Variants in ZGPAT observed in about 807,000 individuals in gnomAD.
ZGPAT encodes the protein zinc finger CCCH-type and G-patch domain containing, also known as zinc finger CCCH-type with G patch domain-containing protein.
A neutral mutation model predicts 47.9 loss-of-function variants in ZGPAT; 39 were observed. The observed-to-expected ratio is 0.81, with a 90% CI of 0.63 to 1.06. ZGPAT has a LOEUF of 1.06. Ranked by LOEUF, ZGPAT falls within the 50% of genes least tolerant of loss-of-function variation. The probability of loss-of-function intolerance (pLI) is 0.00; values close to 1 mark genes in which losing one functional copy is unlikely to be tolerated. For synonymous variants in ZGPAT, 348 were observed against 292.9 expected (o/e 1.19, Z -1.92); for missense variants, 717 against 681.4 (o/e 1.05, Z -0.58).
At chr20:63,720,407 G>A (rs572387626) in intron 2 of ZGPAT, among the ~76,000 whole-genome samples, 34 of 150,730 alleles carry the variant, frequency 2.3e-4, no homozygotes, top group Admixed American at 2.6e-4. Flanking sequence ...CTCCTGCCTC[G>A]GCCTCCCAAA....
chr20:63,713,527 G>A (rs972259495), intron 2 of ZGPAT, among the ~76,000 whole-genome samples: 8 of 151,168 alleles, frequency 5.3e-5, no homozygotes, highest in Non-Finnish European at 1.0e-4. Flanking sequence ...CACTGTGCCC[G>A]GCTGGAGTTG....
intron 2 of ZGPAT, among the ~76,000 whole-genome samples, chr20:63,727,669 C>CAAAAA (rs746126031): frequency 2.2e-5 from 1 of 45,892 alleles, no homozygotes; most frequent in African/African-American, 7.8e-5. Context: ...GACTCGGTCT[C>CAAAAA]AAAAAAAAAA....
At chr20:63,732,403 TGTGTGC>T (rs1322514461) in intron 2 of ZGPAT, among the ~76,000 whole-genome samples, 1 of 112,142 alleles carries the variant, frequency 8.9e-6, no homozygotes, top group Admixed American at 8.6e-5. Context: ...TGAGGGCCTG[TGTGTGC>T]GTGTGTGTGG....
chr20:63,708,268 G>T (rs1356269894), intron 1 of ZGPAT, 150 bp downstream of exon 1: 3 of 177,912 alleles, frequency 1.7e-5, no homozygotes, highest in Admixed American at 1.3e-4. Context: ...CCTGGAAGGC[G>T]GCGGGCGCGG....
At chr20:63,731,316 GCATA>G (rs2091898659) in intron 2 of ZGPAT, among the ~76,000 whole-genome samples, 1 of 144,518 alleles carries the variant, frequency 6.9e-6, no homozygotes, top group African/African-American at 2.6e-5. Flanking sequence ...GTGTGCATGT[GCATA>G]CATGTGTAAA....
chr20:63,713,815 G>T (rs985037459), intron 2 of ZGPAT, among the ~76,000 whole-genome samples: 2 of 150,532 alleles, frequency 1.3e-5, no homozygotes, highest in Admixed American at 6.6e-5. Flanking sequence ...AGGTTGCAGT[G>T]AGCTGAGATC....
chr20:63,714,035 A>G (rs1465512356), intron 2 of ZGPAT, among the ~76,000 whole-genome samples: 1 of 152,156 alleles, frequency 6.6e-6, no homozygotes, highest in East Asian at 1.9e-4. Flanking sequence ...ATGTGAATAG[A>G]GATAATTGTA....
chr20:63,733,690 A>G lies in ZGPAT; in HGVS notation c.822A>G (p.Thr274=), dbSNP rs751104448. The G allele has an allele frequency of 1.2e-6, 2 of 1,613,932 alleles. No homozygotes were observed. Among genetic ancestry groups the G allele is most frequent in the East Asian group, 2.2e-5 (1 of 44,882 alleles). The change falls in exon 4 of 7, where the codon ACA becomes ACG. Residue 274 remains threonine, a synonymous_variant. Coordinates refer to ENST00000355969, the MANE Select transcript of ZGPAT (RefSeq NM_181485.3). The part of the protein sequence containing the change: ...GILPPLRTEA[T]ESDSDSDGTG... The stretch of plus-strand genomic sequence containing the variant: ...TGCCCCCACTGCGCACAGAGGCCAC[A>G]GAGTCCGACTCAGACAGCGACGGTA...
At chr20:63,730,650 A>G (rs1381361535) in intron 2 of ZGPAT, among the ~76,000 whole-genome samples, 1 of 151,904 alleles carries the variant, frequency 6.6e-6, no homozygotes, top group Non-Finnish European at 1.5e-5. Context: ...ACACCCGGCT[A>G]ATTTTTGTAT....
chr20:63,720,388 C>T (rs2091775572), intron 2 of ZGPAT, among the ~76,000 whole-genome samples: 1 of 152,036 alleles, frequency 6.6e-6, no homozygotes, highest in African/African-American at 2.4e-5. Context: ...ATCTCGTGAC[C>T]TCATGATCCT....
chr20:63,710,346 G>A (rs1311088807), intron 2 of ZGPAT, among the ~76,000 whole-genome samples: 1 of 150,562 alleles, frequency 6.6e-6, no homozygotes, highest in Non-Finnish European at 1.5e-5. Flanking sequence ...TAGAGTCGGA[G>A]ATTCACCATC....
At position 63,708,636 on chromosome 20, in the gene ZGPAT, A is replaced by T; in HGVS notation, c.56A>T (p.Gln19Leu). 1 of 1,612,088 alleles carries T rather than the reference A, an allele frequency of 6.2e-7. No individual in the cohort carries two copies. Among genetic ancestry groups the T allele is most frequent in the Non-Finnish European group, 8.5e-7 (1 of 1,179,464 alleles). ...CAGACCTACCGTGCGCAGCTGCAGC[A>T]GGTGGAGCTGGCCTTGGGCGCCGGC... is the stretch of plus-strand genomic sequence containing the variant. ...ALQTYRAQLQ[Q>L]VELALGAGLD... Residue 19 changes from glutamine to leucine, a missense_variant, in exon 2 of 7, where the codon CAG (glutamine) becomes CTG (leucine). Gln to Leu is a moderately radical substitution (Grantham distance 113, BLOSUM62 -2). Coordinates refer to ENST00000355969, the MANE Select transcript of ZGPAT (RefSeq NM_181485.3).
chr20:63,709,878 T>C (rs187579421), intron 2 of ZGPAT, among the ~76,000 whole-genome samples: 1 of 151,996 alleles, frequency 6.6e-6, no homozygotes, highest in Non-Finnish European at 1.5e-5. Flanking sequence ...ATCTTTTTTT[T>C]GAGATGGAGT....
rs1425261794 is a variant in ZGPAT, at chr20:63,735,376, A to G, written c.1209A>G (p.Gln403=). 7.7e-6 allele frequency: 12 copies of G among 1,552,988 alleles called. No individual in the cohort carries two copies. The highest frequency in any genetic ancestry group is 1.0e-5 in the Non-Finnish European group (12 of 1,151,916). The part of the protein sequence containing the change: ...NVFDFLNEKL[Q]GQAPGALEAG... ...TTGACTTCCTCAATGAAAAGCTGCA[A>G]GGTCAGGCTCCTGGGGCCCTAGAAG... Residue 403 remains glutamine (Q), a synonymous_variant, in exon 6 of 7, where the codon CAA becomes CAG. Transcript: ENST00000355969.
chr20:63,730,018 GCGCACACACACACACA>G lies in ZGPAT; in HGVS notation c.585-3199_585-3184del, dbSNP rs2091881103. On this transcript the variant is annotated intron_variant, in intron 2 of 6. Coordinates refer to ENST00000355969, the MANE Select transcript of ZGPAT (RefSeq NM_181485.3). Reference sequence around the variant, plus strand: ...CTGGGCAAGAGAGCAAGACTCTACTGCGCACACACACACACACACACACACACACAAAATAATAGAA... The same window carrying G: ...CTGGGCAAGAGAGCAAGACTCTACTGCACACACACACACAAAATAATAGAA... The G allele has an allele frequency of 2.0e-5, 3 of 146,962 alleles. No homozygotes were observed. The Admixed American group carries it at 2.0e-4, about 10-fold the overall frequency. The allele number at this position is 146,962 out of a possible 1,614,324, so 9.1% of individuals were successfully genotyped here. A position where few individuals can be genotyped will look rare whatever the true frequency, so the allele number is the denominator to read the frequency against.
In ZGPAT at chr20:63,735,953, C is replaced by T; in HGVS notation, c.*34C>T. The T allele has an allele frequency of 6.3e-7, 1 of 1,589,614 alleles. No homozygotes were observed. Among genetic ancestry groups the T allele is most frequent in the Non-Finnish European group, 8.6e-7 (1 of 1,164,828 alleles). On this transcript the variant is annotated 3_prime_UTR_variant, in exon 7 of 7. Transcript: ENST00000355969. ...CAAGCACTATGGACGAAGCGTGGGA[C>T]CCCAGCACGGGCTGCCCTCAGGAAG...
rs1353073651 is a variant in ZGPAT, at chr20:63,735,216, G to A, written c.1049G>A (p.Arg350Gln). ...CCCATCCATGCTGTGGTGTTGCCTC[G>A]AGGGAAGTCGCTGGACCAGTGTGTG... ...VEPIHAVVLPRGKSLDQCVET... is the reference protein window; with the variant it reads ...VEPIHAVVLPQGKSLDQCVET... The change falls in exon 6 of 7, where the codon CGA becomes CAA. Residue 350 changes from arginine to glutamine, a missense_variant. Physicochemically the swap from Arg to Gln is conservative, Grantham distance 43. Coordinates refer to ENST00000355969, the MANE Select transcript of ZGPAT (RefSeq NM_181485.3). The A allele has an allele frequency of 3.2e-6, 5 of 1,567,564 alleles. No homozygotes were observed. Among genetic ancestry groups the A allele is most frequent in the Middle Eastern group, 1.7e-4 (1 of 5,820 alleles).
chr20:63,731,556 C>T (rs1177286206), intron 2 of ZGPAT, among the ~76,000 whole-genome samples: 1 of 94,962 alleles, frequency 1.1e-5, no homozygotes, highest in African/African-American at 3.3e-5. Flanking sequence ...ACAGTTGGCC[C>T]TTGGTGTGTG....
chr20:63,724,564 T>G (rs1210613528), intron 2 of ZGPAT, among the ~76,000 whole-genome samples: 1 of 152,088 alleles, frequency 6.6e-6, no homozygotes, highest in Non-Finnish European at 1.5e-5. Flanking sequence ...TACTTGTTTT[T>G]TTGTATCATC....
Sources: allele counts gnomAD v4.1 joint callset (sites outside exome capture counted in the v4.1 genomes callset), GRCh38; gene constraint gnomAD v4.1.1; transcripts MANE v1.5; gene names NCBI Gene and HGNC (gene_info 2026-07-23, HGNC 2026-07-21).